CEP89: variants seen among roughly 807,000 people sequenced by gnomAD.
The protein encoded by CEP89 is centrosomal protein 89.
CEP89 carries 95 observed loss-of-function variants against 97.6 expected under a neutral mutation model. That is an observed-to-expected ratio of 0.97 (90% CI 0.82 to 1.15). The LOEUF is 1.15. CEP89 is among the 50% of genes most tolerant of loss of function. The pLI is 0.00. For synonymous variants in CEP89, 354 were observed against 349.1 expected (o/e 1.01, Z -0.16); for missense variants, 869 against 947.7 (o/e 0.92, Z 1.09).
chr19:32,892,306 C>CA, intron 16 of CEP89, among the ~76,000 whole-genome samples: 1 of 131,298 alleles, frequency 7.6e-6, no homozygotes, highest in Non-Finnish European at 1.6e-5. Flanking sequence ...TTTCTTTTTC[C>CA]TTTTTTTTTC....
rs1277534086 is a variant in CEP89 at position 32,918,224 on chromosome 19, C to T, written c.1384G>A (p.Val462Ile). Residue 462 changes from valine (V) to isoleucine (I), a missense_variant and splice_region_variant, in exon 13 of 19, where the codon GTT becomes ATT. Coordinates refer to ENST00000305768, the MANE Select transcript of CEP89 (RefSeq NM_032816.5). ...KDSHQERLQE[V>I]SKLTKQLMLL... The stretch of plus-strand genomic sequence containing the variant: ...CCAGTCCTCACTGGAAGGACCTCAC[C>T]TTCTTGGAGGCGCTCCTGGTGGCTG... 6.2e-7 allele frequency: 1 copy of T among 1,611,028 alleles called. No individual in the cohort carries two copies. The highest frequency in any genetic ancestry group is 2.2e-5 in the East Asian group (1 of 44,888).
intron 13 of CEP89, among the ~76,000 whole-genome samples, chr19:32,917,199 C>A (rs1970144925): frequency 6.6e-6 from 1 of 152,132 alleles, no homozygotes; most frequent in African/African-American, 2.4e-5. Context: ...AAACTAATGT[C>A]ATCCCTAACC....
intron 4 of CEP89, among the ~76,000 whole-genome samples, chr19:32,953,110 G>A (rs1250988642): frequency 6.6e-6 from 1 of 151,386 alleles, no homozygotes; most frequent in Non-Finnish European, 1.5e-5. Flanking sequence ...TCTGTGTGCA[G>A]TGCCCTGATG....
chr19:32,919,042 G>A (rs35300319), intron 12 of CEP89, among the ~76,000 whole-genome samples: 31,498 of 151,538 alleles, frequency 0.21, 3,371 homozygotes, highest in African/African-American at 0.23. Flanking sequence ...CCACCACGCC[G>A]CCTGGCTAAT....
At chr19:32,916,120 A>T (rs1970122212) in intron 13 of CEP89, among the ~76,000 whole-genome samples, 1 of 151,734 alleles carries the variant, frequency 6.6e-6, no homozygotes, top group South Asian at 2.1e-4. Context: ...CTACATAAAA[A>T]TTTAAAAATT....
intron 9 of CEP89, among the ~76,000 whole-genome samples, chr19:32,929,893 G>A (rs1423856697): frequency 6.6e-6 from 1 of 152,140 alleles, no homozygotes; most frequent in Non-Finnish European, 1.5e-5. Context: ...TCTATGAAAT[G>A]TTCAGAACAG....
chr19:32,942,218 C>T (rs1184977016), intron 5 of CEP89, among the ~76,000 whole-genome samples: 2 of 151,946 alleles, frequency 1.3e-5, no homozygotes, highest in South Asian at 2.1e-4. Context: ...CCCGTCTCTA[C>T]AAAAAATACC....
At chr19:32,938,858 G>A (rs1392441323) in intron 6 of CEP89, among the ~76,000 whole-genome samples, 1 of 152,148 alleles carries the variant, frequency 6.6e-6, no homozygotes, top group Non-Finnish European at 1.5e-5. Flanking sequence ...GATGAGGCAG[G>A]AGAATCACTT....
At chr19:32,918,141 G>T in intron 13 of CEP89, 83 bp downstream of exon 13, 1 of 1,147,474 alleles carries the variant, frequency 8.7e-7, no homozygotes, top group Non-Finnish European at 1.3e-6. Context: ...TTTCAACTGG[G>T]GCCCCCGGCA....
intron 14 of CEP89, among the ~76,000 whole-genome samples, chr19:32,914,446 T>A (rs988311053): frequency 6.6e-6 from 1 of 151,840 alleles, no homozygotes; most frequent in African/African-American, 2.4e-5. Flanking sequence ...TATTATTATT[T>A]TTTTTGGTAG....
In CEP89 at chr19:32,923,362, T is replaced by G. The variant is rs961203627; in HGVS notation, c.1268+77A>C. 5.7e-6 allele frequency: 4 copies of G among 705,600 alleles called. No individual in the cohort carries two copies. The African/African-American group carries it at 7.2e-5, about 13-fold the overall frequency. 43.7% of individuals were successfully genotyped at this position (705,600 alleles called of 1,614,324 possible). A position where few individuals can be genotyped will look rare whatever the true frequency, so the allele number is the denominator to read the frequency against. ...TTTAGTTAAGAATGTAATTATGTAT[T>G]TGATAATTTTATAACATATTTTCCT... On this transcript the variant is annotated intron_variant, in intron 12 of 18. Coordinates refer to ENST00000305768, the MANE Select transcript of CEP89 (RefSeq NM_032816.5).
chr19:32,956,573 C>T (rs1971054001), intron 3 of CEP89, among the ~76,000 whole-genome samples: 1 of 151,750 alleles, frequency 6.6e-6, no homozygotes, highest in Admixed American at 6.6e-5. Flanking sequence ...CACTTTGTTG[C>T]CCAGGCTGGT....
intron 5 of CEP89, among the ~76,000 whole-genome samples, chr19:32,944,703 G>C (rs1007279589): frequency 6.6e-6 from 1 of 152,180 alleles, no homozygotes; most frequent in African/African-American, 2.4e-5. Flanking sequence ...GGTCTGCAGA[G>C]AATCTAGGAA....
At chr19:32,908,566 A>G (rs887102882) in intron 14 of CEP89, among the ~76,000 whole-genome samples, 5 of 152,214 alleles carry the variant, frequency 3.3e-5, no homozygotes, top group Non-Finnish European at 7.3e-5. Flanking sequence ...CTAGTGAAAA[A>G]TAGACAAAAT....
intron 5 of CEP89, among the ~76,000 whole-genome samples, chr19:32,943,151 T>C (rs974868478): frequency 5.9e-5 from 9 of 152,196 alleles, no homozygotes; most frequent in African/African-American, 2.2e-4. Flanking sequence ...GTGTGTGCCA[T>C]TATGCCGGCT....
chr19:32,882,104 GT>G lies in CEP89; in HGVS notation c.1966-92del, dbSNP rs765643286. The G allele has an allele frequency of 1.9e-4, 203 of 1,096,860 alleles. 1 individual carries two copies. Among genetic ancestry groups the G allele is most frequent in the Non-Finnish European group, 5.1e-5 (39 of 766,320 alleles). 67.9% of individuals were successfully genotyped at this position (1,096,860 alleles called of 1,614,324 possible). A position where few individuals can be genotyped will look rare whatever the true frequency, so the allele number is the denominator to read the frequency against. ...GCTGTGCTCCCTACCCACTCCTTGT[GT>G]GTCAGAGCCTTTAAAATCTAGCAAC... On this transcript the variant is annotated intron_variant, in intron 17 of 18. Coordinates refer to ENST00000305768, the MANE Select transcript of CEP89 (RefSeq NM_032816.5).
intron 6 of CEP89, among the ~76,000 whole-genome samples, chr19:32,939,207 C>T (rs1188295673): frequency 1.3e-5 from 2 of 152,148 alleles, no homozygotes; most frequent in African/African-American, 4.8e-5. Context: ...GCTATGATCA[C>T]ACCACTGCAC....
intron 11 of CEP89, among the ~76,000 whole-genome samples, 197 bp downstream of exon 11, chr19:32,925,993 C>T (rs1970349465): frequency 6.6e-6 from 1 of 152,114 alleles, no homozygotes; most frequent in Non-Finnish European, 1.5e-5. Flanking sequence ...CCAATCACTC[C>T]CTTACTTCCT....
At chr19:32,932,907 C>T (rs1462192223) in intron 8 of CEP89, among the ~76,000 whole-genome samples, 2 of 152,048 alleles carry the variant, frequency 1.3e-5, no homozygotes, top group African/African-American at 4.8e-5. Flanking sequence ...CTCTGACCAC[C>T]CCACTGTAGT....
Sources: allele counts gnomAD v4.1 joint callset (sites outside exome capture counted in the v4.1 genomes callset), GRCh38; gene constraint gnomAD v4.1.1; transcripts MANE v1.5; gene names NCBI Gene and HGNC (gene_info 2026-07-23, HGNC 2026-07-21).